The following PDE3A variants were observed in gnomAD, a reference collection of about 807,000 sequenced individuals.
PDE3A encodes the protein cGMP-inhibited 3',5'-cyclic phosphodiesterase 3A.
Under a neutral mutation model 98.3 loss-of-function variants are expected in PDE3A, and 43 were observed. That is an observed-to-expected ratio of 0.44 (90% CI 0.34 to 0.56). The LOEUF (loss-of-function observed/expected upper bound fraction) is 0.56, where lower values mean the gene tolerates loss of function less well. PDE3A is among the 20% of genes least tolerant of loss of function. The pLI is 0.01. For synonymous variants in PDE3A, 663 were observed against 567.9 expected (o/e 1.17, Z -2.38); for missense variants, 1,427 against 1,440.7 (o/e 0.99, Z 0.15).
intron 15 of PDE3A, among the ~76,000 whole-genome samples, chr12:20,671,012 G>A (rs1476873787): frequency 1.8e-5 from 2 of 110,438 alleles, no homozygotes; most frequent in African/African-American, 4.0e-5. Context: ...TATGATAAAG[G>A]GGATATCACC....
At chr12:20,503,946 G>T (rs1946068677) in intron 1 of PDE3A, among the ~76,000 whole-genome samples, 1 of 152,020 alleles carries the variant, frequency 6.6e-6, no homozygotes, top group African/African-American at 2.4e-5. Flanking sequence ...CATGACAACT[G>T]ACTGTCTTCA....
At chr12:20,448,054 T>C (rs1944988526) in intron 1 of PDE3A, among the ~76,000 whole-genome samples, 1 of 152,154 alleles carries the variant, frequency 6.6e-6, no homozygotes, top group African/African-American at 2.4e-5. Context: ...TCGGAGAGAT[T>C]GGAAAGATGG....
chr12:20,671,504 A>T (rs1225918357), intron 15 of PDE3A, among the ~76,000 whole-genome samples: 1 of 151,794 alleles, frequency 6.6e-6, no homozygotes, highest in Non-Finnish European at 1.5e-5. Flanking sequence ...ATCCACAATG[A>T]TCAAGTGGGC....
At chr12:20,659,976 G>A (rs568212134) in intron 15 of PDE3A, among the ~76,000 whole-genome samples, 1 of 152,270 alleles carries the variant, frequency 6.6e-6, no homozygotes, top group South Asian at 2.1e-4. Context: ...CCATATACCA[G>A]GTGATATGGT....
At chr12:20,643,885 G>A (rs748214027) in intron 10 of PDE3A, among the ~76,000 whole-genome samples, 30 of 151,848 alleles carry the variant, frequency 2.0e-4, no homozygotes, top group Admixed American at 5.3e-4. Flanking sequence ...CCTTGGGGTG[G>A]GGGACAGGGT....
intron 15 of PDE3A, among the ~76,000 whole-genome samples, chr12:20,660,867 T>C (rs1223555670): frequency 6.6e-6 from 1 of 151,986 alleles, no homozygotes. Flanking sequence ...ATACAGTAAA[T>C]TGGTACTGGT....
rs1173549791 is a variant in PDE3A, at chr12:20,552,064, A to G, written c.961-4596A>G. 2.5e-6 allele frequency: 4 copies of G among 1,608,040 alleles called. No individual in the cohort carries two copies. Among genetic ancestry groups the G allele is most frequent in the Non-Finnish European group, 3.4e-6 (4 of 1,179,624 alleles). The stretch of plus-strand genomic sequence containing the variant: ...GGACCATGGGAATTTTTTCACATAC[A>G]CGGGTAGTGGTGGTCGAGAGCTTTC... On this transcript the variant is annotated intron_variant, in intron 1 of 15. Coordinates refer to ENST00000359062, the MANE Select transcript of PDE3A (RefSeq NM_000921.5). The surrounding 1 kb of genome is among the most constrained non-coding windows in gnomAD (Gnocchi z 5.1).
chr12:20,632,836 C>A (rs1161082197), intron 6 of PDE3A, among the ~76,000 whole-genome samples: 2 of 151,558 alleles, frequency 1.3e-5, no homozygotes, highest in East Asian at 1.9e-4. Flanking sequence ...TATTTTTTAG[C>A]AAAACATAAA....
intron 2 of PDE3A, among the ~76,000 whole-genome samples, chr12:20,601,418 C>T (rs1943588689): frequency 1.3e-5 from 2 of 152,208 alleles, no homozygotes; most frequent in African/African-American, 2.4e-5. Context: ...GATAAACACC[C>T]ATTGCATATG....
Position 20,369,408 on chromosome 12 carries a change from G to T in PDE3A, c.124G>T (p.Gly42Cys). 6.4e-7 allele frequency: 1 copy of T among 1,553,346 alleles called. No homozygotes were observed. The stretch of plus-strand genomic sequence containing the variant: ...GGACCCCGCATCGCCGCGGGACTCG[G>T]GCTGCCGTGGCTGCTGGGGAGACCT... ...RADPASPRDS[G>C]CRGCWGDLVL... is the part of the protein sequence containing the mutation. The change falls in exon 1 of 16, where the codon GGC (glycine) becomes TGC (cysteine). Residue 42 changes from glycine to cysteine, a missense_variant. Coordinates refer to ENST00000359062, the MANE Select transcript of PDE3A (RefSeq NM_000921.5).
rs11045231 is a variant in PDE3A at position 20,420,659 on chromosome 12, G to A, written c.960+50415G>A. Among the ~76,000 whole-genome samples, 1,157 of 152,226 alleles carry A rather than the reference G, an allele frequency of 7.6e-3. 3 individuals carry two copies. Among genetic ancestry groups the A allele is most frequent in the Middle Eastern group, 0.024 (7 of 294 alleles). ...ATTTTTTTTCAAGAGCAATGTACAG[G>A]AAGCACAGGCCTTACTTTTTATTGT... On this transcript the variant is annotated intron_variant, in intron 1 of 15. Transcript: ENST00000359062.
intron 1 of PDE3A, among the ~76,000 whole-genome samples, chr12:20,508,427 T>C (rs1054410002): frequency 6.6e-6 from 1 of 151,830 alleles, no homozygotes; most frequent in African/African-American, 2.4e-5. Flanking sequence ...TTTTTTTTTT[T>C]AGTTTTGTCC....
chr12:20,667,829 A>G (rs1945357804), intron 15 of PDE3A, among the ~76,000 whole-genome samples: 3 of 152,140 alleles, frequency 2.0e-5, no homozygotes. Context: ...TTAAAAATAA[A>G]GATTGCGGGG....
chr12:20,548,468 G>T (rs1942115005), intron 1 of PDE3A, among the ~76,000 whole-genome samples: 1 of 151,918 alleles, frequency 6.6e-6, no homozygotes, highest in African/African-American at 2.4e-5. Flanking sequence ...GAATTAAGTA[G>T]TTATGTACTC....
intron 2 of PDE3A, among the ~76,000 whole-genome samples, chr12:20,588,518 A>AG (rs1943242803): frequency 6.6e-6 from 1 of 152,170 alleles, no homozygotes; most frequent in African/African-American, 2.4e-5. Flanking sequence ...AAACACATTC[A>AG]GGGGGACCTG....
At chr12:20,370,378 G>T in intron 1 of PDE3A, 134 bp downstream of exon 1, 7 of 534,496 alleles carry the variant, frequency 1.3e-5, no homozygotes, top group South Asian at 7.1e-5. Flanking sequence ...TCAGAATTAA[G>T]AAACTAGCAG....
intron 1 of PDE3A, among the ~76,000 whole-genome samples, chr12:20,424,465 T>C (rs540989121): frequency 1.3e-5 from 2 of 152,344 alleles, no homozygotes; most frequent in East Asian, 3.9e-4. Flanking sequence ...GATTACTCTG[T>C]AAGCTAAGAA....
chr12:20,520,057 C>A (rs1221458323), intron 1 of PDE3A, among the ~76,000 whole-genome samples: 2 of 152,104 alleles, frequency 1.3e-5, no homozygotes, highest in Non-Finnish European at 2.9e-5. Flanking sequence ...AAGCTTTGAA[C>A]CTAGGTATGT....
intron 1 of PDE3A, among the ~76,000 whole-genome samples, chr12:20,514,252 A>C (rs575286493): frequency 4.5e-4 from 69 of 152,344 alleles, no homozygotes; most frequent in African/African-American, 1.6e-3. Context: ...TTTAGTTTCA[A>C]ATCATCCTAG....
Sources: allele counts gnomAD v4.1 joint callset (sites outside exome capture counted in the v4.1 genomes callset), GRCh38; gene constraint gnomAD v4.1.1; non-coding constraint Gnocchi (gnomAD v3.1); transcripts MANE v1.5; gene names NCBI Gene and HGNC (gene_info 2026-07-23, HGNC 2026-07-21).